The following PALS1 variants were observed in gnomAD, a reference collection of about 807,000 sequenced individuals.
The protein encoded by PALS1 is protein PALS1.
A neutral mutation model predicts 78.9 loss-of-function variants in PALS1; 31 were observed. The ratio of observed to expected loss-of-function variants is 0.39; its 90% CI spans 0.30 to 0.53. The LOEUF is 0.53. Ranked by LOEUF, PALS1 falls within the 20% of genes least tolerant of loss-of-function variation. PALS1 has a pLI of 0.67. For synonymous variants in PALS1, 276 were observed against 270.9 expected, an observed-to-expected ratio of 1.02 and a Z score of -0.18; for missense variants, 704 against 826.5, an observed-to-expected ratio of 0.85 and a Z score of 1.82.
intron 2 of PALS1, among the ~76,000 whole-genome samples, chr14:67,273,676 T>C (rs1266556405): frequency 6.6e-6 from 1 of 152,228 alleles, no homozygotes; most frequent in Non-Finnish European, 1.5e-5. Flanking sequence ...TTTCTAGTTC[T>C]AGATCTCTGA....
At chr14:67,266,370 G>A (rs915759456) in intron 1 of PALS1, among the ~76,000 whole-genome samples, 3 of 152,088 alleles carry the variant, frequency 2.0e-5, no homozygotes, top group Admixed American at 2.0e-4. Flanking sequence ...CTGTTGCCCA[G>A]TCTGAAGTGC....
At chr14:67,327,939 A>T (rs988013385) in intron 14 of PALS1, among the ~76,000 whole-genome samples, 1 of 152,216 alleles carries the variant, frequency 6.6e-6, no homozygotes, top group African/African-American at 2.4e-5. Context: ...GCTGCAGTCA[A>T]TGTACGTGTG....
At chr14:67,300,725 G>A (rs986192709) in intron 4 of PALS1, among the ~76,000 whole-genome samples, 57 of 152,070 alleles carry the variant, frequency 3.7e-4, no homozygotes, top group African/African-American at 1.3e-3. Context: ...TAACCAAGGG[G>A]AGTTTATCCT....
intron 7 of PALS1, among the ~76,000 whole-genome samples, chr14:67,303,299 G>GA (rs1199513366): frequency 2.6e-5 from 4 of 152,158 alleles, no homozygotes; most frequent in Admixed American, 1.3e-4. Context: ...TATTACAGTG[G>GA]AATCTGTACT....
At chr14:67,273,654 G>A (rs1702460524) in intron 2 of PALS1, among the ~76,000 whole-genome samples, 1 of 152,064 alleles carries the variant, frequency 6.6e-6, no homozygotes, top group Admixed American at 6.5e-5. Flanking sequence ...GGGATGGCTG[G>A]GTCAAATGGT....
chr14:67,246,653 T>G lies in PALS1; in HGVS notation c.-237+5120T>G, dbSNP rs531775746. Reference sequence around the variant, plus strand: ...ACTGAGCCTGGCCTACTATAGGTTTTTTTTTTTTTTTTTTTTGAGATGGAG... The same window carrying G: ...ACTGAGCCTGGCCTACTATAGGTTTGTTTTTTTTTTTTTTTTGAGATGGAG... On this transcript the variant is annotated intron_variant, in intron 1 of 14. Coordinates refer to ENST00000261681, the MANE Select transcript of PALS1 (RefSeq NM_022474.4). Among the ~76,000 whole-genome samples, 462 of 145,066 alleles carry G rather than the reference T, an allele frequency of 3.2e-3. 3 individuals are homozygous for G. Among genetic ancestry groups the G allele is most frequent in the African/African-American group, 0.012 (448 of 38,100 alleles).
chr14:67,290,090 T>G (rs1031298742), intron 3 of PALS1, among the ~76,000 whole-genome samples: 7 of 152,026 alleles, frequency 4.6e-5, no homozygotes, highest in African/African-American at 1.7e-4. Flanking sequence ...TTTTTTATAC[T>G]GTCTTTGACT....
chr14:67,311,911 CAA>C (rs1458365355), intron 8 of PALS1: 2 of 152,466 alleles, frequency 1.3e-5, no homozygotes, highest in Non-Finnish European at 2.9e-5. Context: ...AAAGAAACGC[CAA>C]GAGAGTTTAA....
At chr14:67,267,487 G>A (rs928176975) in intron 1 of PALS1, among the ~76,000 whole-genome samples, 2 of 152,084 alleles carry the variant, frequency 1.3e-5, no homozygotes, top group African/African-American at 4.8e-5. Context: ...CTGATCTCGG[G>A]TGATTCACCC....
intron 1 of PALS1, among the ~76,000 whole-genome samples, chr14:67,256,569 A>G (rs867271971): frequency 1.3e-5 from 2 of 152,048 alleles, no homozygotes; most frequent in South Asian, 4.1e-4. Context: ...GTTTTTTGAG[A>G]TGGAGTCTCG....
At chr14:67,321,817 G>GTAT (rs1233341924) in intron 13 of PALS1, among the ~76,000 whole-genome samples, 1 of 152,068 alleles carries the variant, frequency 6.6e-6, no homozygotes, top group Non-Finnish European at 1.5e-5. Flanking sequence ...ATATATGCTT[G>GTAT]TATGTATGTT....
chr14:67,272,471 T>C (rs1332263809), intron 2 of PALS1, among the ~76,000 whole-genome samples: 1 of 152,228 alleles, frequency 6.6e-6, no homozygotes, highest in Non-Finnish European at 1.5e-5. Context: ...TGTGAACTGC[T>C]TGCAGTGTTG....
intron 1 of PALS1, among the ~76,000 whole-genome samples, chr14:67,261,452 T>G (rs2084235583): frequency 6.6e-6 from 1 of 152,174 alleles, no homozygotes; most frequent in Non-Finnish European, 1.5e-5. Context: ...GATATTACAG[T>G]TACGATTTTG....
chr14:67,301,702 T>G (rs987721003), intron 5 of PALS1, among the ~76,000 whole-genome samples: 1 of 152,150 alleles, frequency 6.6e-6, no homozygotes, highest in African/African-American at 2.4e-5. Context: ...TCTTCCCCCC[T>G]TTGGTTGTAT....
At chr14:67,290,122 C>CTAG (rs1368996343) in intron 3 of PALS1, among the ~76,000 whole-genome samples, 1 of 151,914 alleles carries the variant, frequency 6.6e-6, no homozygotes, top group Non-Finnish European at 1.5e-5. Context: ...TGTATGTGCT[C>CTAG]TAAGTTTTTC....
chr14:67,330,455 AT>A (rs533831095), intron 14 of PALS1, among the ~76,000 whole-genome samples: 8,996 of 117,642 alleles, frequency 0.076, 347 homozygotes, highest in African/African-American at 0.2. Context: ...ATTTCCCTTC[AT>A]TTTTTTTTTT....
At chr14:67,327,683 C>T (rs2085380131) in intron 14 of PALS1, among the ~76,000 whole-genome samples, 1 of 152,018 alleles carries the variant, frequency 6.6e-6, no homozygotes, top group Non-Finnish European at 1.5e-5. Flanking sequence ...TGTTCCCCAC[C>T]CTGTGTCCTG....
At chr14:67,302,175 C>G in intron 6 of PALS1, 57 bp downstream of exon 6, 2 of 1,498,690 alleles carry the variant, frequency 1.3e-6, no homozygotes, top group Non-Finnish European at 1.8e-6. Flanking sequence ...TTGTGTGCTT[C>G]AAAAGTCTGG....
chr14:67,318,564 C>T (rs753955075), intron 11 of PALS1, among the ~76,000 whole-genome samples: 3 of 152,028 alleles, frequency 2.0e-5, no homozygotes, highest in Non-Finnish European at 4.4e-5. Context: ...CTTGATTATA[C>T]GTGTTAGAAT....
Sources: allele counts gnomAD v4.1 joint callset (sites outside exome capture counted in the v4.1 genomes callset), GRCh38; gene constraint gnomAD v4.1.1; transcripts MANE v1.5; gene names NCBI Gene and HGNC (gene_info 2026-07-23, HGNC 2026-07-21).